Variants in EXOC4 observed in about 807,000 individuals in gnomAD.
The protein encoded by EXOC4 is exocyst complex component 4.
A neutral mutation model predicts 107.2 loss-of-function variants in EXOC4; 71 were observed. The observed-to-expected ratio is 0.66, with a 90% confidence interval of 0.55 to 0.81. The LOEUF (loss-of-function observed/expected upper bound fraction) is 0.81. Ranked by LOEUF, EXOC4 falls within the 30% of genes least tolerant of loss-of-function variation. EXOC4 has a pLI of 0.00. For synonymous variants in EXOC4, 456 were observed against 441.2 expected, an observed-to-expected ratio of 1.03 and a Z score of -0.42; for missense variants, 1,108 against 1,189.6, an observed-to-expected ratio of 0.93 and a Z score of 1.01.
At chr7:134,090,173 C>T in the EXOC4 span, among the ~76,000 whole-genome samples, 5 of 152,202 alleles carry the variant, frequency 3.3e-5, no homozygotes, top group Non-Finnish European at 7.3e-5. Context: ...ACACACACAA[C>T]ACACATAAAT....
At chr7:133,949,140 C>A (rs1800627518) in intron 14 of EXOC4, among the ~76,000 whole-genome samples, 1 of 152,170 alleles carries the variant, frequency 6.6e-6, no homozygotes, top group Non-Finnish European at 1.5e-5. Flanking sequence ...CCCAAAGGAC[C>A]TATTTTGGAC....
At chr7:134,017,386 TG>T (rs1794934932) in intron 17 of EXOC4, among the ~76,000 whole-genome samples, 1 of 152,192 alleles carries the variant, frequency 6.6e-6, no homozygotes, top group African/African-American at 2.4e-5. Flanking sequence ...GGAAATGCGA[TG>T]GTTTACATGG....
chr7:133,266,189 T>C (rs1024945283), intron 1 of EXOC4, among the ~76,000 whole-genome samples: 1 of 152,216 alleles, frequency 6.6e-6, no homozygotes, highest in African/African-American at 2.4e-5. Flanking sequence ...TGCTGTCACA[T>C]GGCCTTTGCT....
intron 10 of EXOC4, among the ~76,000 whole-genome samples, chr7:133,715,005 A>G (rs1285957661): frequency 6.6e-6 from 1 of 152,118 alleles, no homozygotes; most frequent in Non-Finnish European, 1.5e-5. Flanking sequence ...GATTCCATTA[A>G]TATTTCTTCT....
Position 133,464,623 on chromosome 7 carries a change from A to G in EXOC4, c.1183-10705A>G, listed in dbSNP as rs1454309870. ...TCCTAAGGACACAGAATCCTAAAGA[A>G]TAGTAGAGTGGAGGTTATCGGAATC... On this transcript the variant is annotated intron_variant, in intron 7 of 17. Coordinates refer to ENST00000253861, the MANE Select transcript of EXOC4 (RefSeq NM_021807.4). 2.6e-5 allele frequency among the ~76,000 whole-genome samples: 4 copies of G among 152,104 alleles called. No homozygotes were observed. In the East Asian group the frequency reaches 7.7e-4, roughly 29 times the overall value.
rs533784064 is a variant in EXOC4 at position 133,813,268 on chromosome 7, G to T, written c.1515-4057G>T. ...TGGGACTAGAAAGAAAGAAAATGAG[G>T]CTAATTTAGAGTCTTCTGCCCATCT... On this transcript the variant is annotated intron_variant, in intron 10 of 17. Coordinates refer to ENST00000253861, the MANE Select transcript of EXOC4 (RefSeq NM_021807.4). Among the ~76,000 whole-genome samples the T allele has an allele frequency of 2.6e-5, 4 of 152,076 alleles. No individual in the cohort carries two copies. In the East Asian group the frequency reaches 7.7e-4, roughly 29 times the overall value.
intron 2 of EXOC4, among the ~76,000 whole-genome samples, chr7:133,278,930 T>C (rs2150529847): frequency 6.6e-6 from 1 of 152,238 alleles, no homozygotes; most frequent in South Asian, 2.1e-4. Context: ...TAACTCGTCA[T>C]TTAGCATTAG....
At chr7:133,958,446 T>G (rs1800867387) in intron 14 of EXOC4, among the ~76,000 whole-genome samples, 1 of 152,184 alleles carries the variant, frequency 6.6e-6, no homozygotes, top group Non-Finnish European at 1.5e-5. Context: ...ACATACATAT[T>G]TAAAGCAATA....
At chr7:133,876,879 CA>C (rs2116424234) in intron 11 of EXOC4, among the ~76,000 whole-genome samples, 1 of 152,060 alleles carries the variant, frequency 6.6e-6, no homozygotes, top group South Asian at 2.1e-4. Context: ...TGATTTTCAG[CA>C]ATTCGATTAT....
At chr7:133,980,854 T>A (rs1320794770) in intron 14 of EXOC4, among the ~76,000 whole-genome samples, 3 of 152,186 alleles carry the variant, frequency 2.0e-5, no homozygotes, top group Admixed American at 6.5e-5. Context: ...TGAATAGTAT[T>A]CATGTGTTAC....
intron 10 of EXOC4, among the ~76,000 whole-genome samples, chr7:133,639,907 A>G (rs558650798): frequency 6.6e-5 from 10 of 152,100 alleles, no homozygotes; most frequent in Admixed American, 3.3e-4. Flanking sequence ...AAAAACTAAC[A>G]CTAACAAGTT....
At chr7:133,780,573 G>A (rs970292125) in intron 10 of EXOC4, among the ~76,000 whole-genome samples, 1 of 152,080 alleles carries the variant, frequency 6.6e-6, no homozygotes, top group African/African-American at 2.4e-5. Flanking sequence ...GAGTCTACAG[G>A]AATTATTGTT....
At chr7:133,325,308 A>G (rs1375989108) in intron 5 of EXOC4, among the ~76,000 whole-genome samples, 1 of 152,100 alleles carries the variant, frequency 6.6e-6, no homozygotes, top group Non-Finnish European at 1.5e-5. Context: ...CCTAGCATTG[A>G]TGGTCTTTAC....
At chr7:133,681,571 T>C (rs1355920529) in intron 10 of EXOC4, among the ~76,000 whole-genome samples, 3 of 152,182 alleles carry the variant, frequency 2.0e-5, no homozygotes, top group Non-Finnish European at 4.4e-5. Flanking sequence ...CTTCCTACCA[T>C]AGTTTAGAGA....
chr7:134,057,976 C>T (rs141093098), intron 17 of EXOC4, among the ~76,000 whole-genome samples: 537 of 152,308 alleles, frequency 3.5e-3, no homozygotes, highest in African/African-American at 0.012. Flanking sequence ...ATTTACCTCA[C>T]TAAGTTGTTC....
intron 10 of EXOC4, among the ~76,000 whole-genome samples, chr7:133,720,683 CTTG>C (rs918337122): frequency 3.9e-5 from 6 of 152,086 alleles, no homozygotes; most frequent in Non-Finnish European, 2.9e-5. Context: ...TCTTGCTTAA[CTTG>C]TTGATGATGC....
intron 10 of EXOC4, among the ~76,000 whole-genome samples, chr7:133,728,671 C>CT (rs534940921): frequency 9.7e-4 from 148 of 152,286 alleles, no homozygotes; most frequent in Admixed American, 3.2e-3. Flanking sequence ...CTGTAAACTT[C>CT]TTTTGGGCTC....
At chr7:134,063,820 A>G (rs954534172) in intron 17 of EXOC4, among the ~76,000 whole-genome samples, 1 of 152,212 alleles carries the variant, frequency 6.6e-6, no homozygotes, top group African/African-American at 2.4e-5. Context: ...AACTATTTCA[A>G]TAACCCCAAG....
chr7:133,456,260 A>G (rs1025339665), intron 7 of EXOC4, among the ~76,000 whole-genome samples: 14 of 152,208 alleles, frequency 9.2e-5, no homozygotes, highest in African/African-American at 2.9e-4. Context: ...ACCAGATTCT[A>G]GAGAGGTCAC....
Sources: allele counts gnomAD v4.1 joint callset (sites outside exome capture counted in the v4.1 genomes callset), GRCh38; gene constraint gnomAD v4.1.1; transcripts MANE v1.5; gene names NCBI Gene and HGNC (gene_info 2026-07-23, HGNC 2026-07-21).